Variants in NAIP observed in about 807,000 individuals in gnomAD.
NAIP encodes baculoviral IAP repeat-containing protein 1.
NAIP carries 15 observed loss-of-function variants against 23.0 expected under a neutral mutation model. The observed-to-expected ratio is 0.65, with a 90% CI of 0.44 to 1.00. NAIP has a LOEUF of 1.00. Ranked by LOEUF, NAIP falls within the 50% of genes least tolerant of loss-of-function variation. The pLI, the probability that NAIP is intolerant of heterozygous loss-of-function variation, is 0.00. For synonymous variants in NAIP, 100 were observed against 100.2 expected, an observed-to-expected ratio of 1.00 and a Z score of 0.01; for missense variants, 265 against 278.8, an observed-to-expected ratio of 0.95 and a Z score of 0.35.
intron 8 of NAIP, among the ~76,000 whole-genome samples, chr5:71,000,031 CAT>C (rs1222780976): frequency 3.5e-5 from 2 of 57,760 alleles, no homozygotes. Context: ...TCCAATGGCA[CAT>C]GTCTGTTAGG....
At chr5:71,013,720 G>A (rs1751287546) in intron 3 of NAIP, among the ~76,000 whole-genome samples, 1 of 151,090 alleles carries the variant, frequency 6.6e-6, no homozygotes, top group South Asian at 2.1e-4. Context: ...AGAAGCCTCG[G>A]GTAACTTTCT....
chr5:71,011,858 T>A, intron 4 of NAIP: 1 of 342,596 alleles, frequency 2.9e-6, no homozygotes, highest in Non-Finnish European at 5.8e-6. Context: ...TAGCATAAAG[T>A]AGGTACAGTA....
intron 5 of NAIP, among the ~76,000 whole-genome samples, chr5:71,008,244 A>G (rs1212829420): frequency 6.8e-6 from 1 of 146,164 alleles, no homozygotes; most frequent in Admixed American, 6.9e-5. Context: ...CAATTTTTGT[A>G]TTTTTAATAG....
At position 71,012,491 on chromosome 5, in the gene NAIP, A is replaced by C; in HGVS notation, c.425T>G (p.Val142Gly). Residue 142 changes from valine to glycine, a missense_variant, in exon 4 of 17, where the codon GTG (valine) becomes GGG (glycine). Transcript: ENST00000517649. ...VGNIAKYDIR[V>G]KNLKSRLRGG... The stretch of plus-strand genomic sequence containing the variant: ...TCTCAGCCTGCTCTTCAGATTCTTC[A>C]CCCTTATGTCGTACTTGGCAATGTT... 6.2e-7 allele frequency: 1 copy of C among 1,611,490 alleles called. No individual in the cohort carries two copies. The highest frequency in any genetic ancestry group is 2.2e-5 in the East Asian group (1 of 44,820).
chr5:70,971,601 A>G lies in NAIP; in HGVS notation c.3848-1133T>C, dbSNP rs1233817503. ...AAAACAAAAAGAGAAAACAAAAAAA[A>G]AAAATCCAGACTAAATTACAAGGGA... On this transcript the variant is annotated intron_variant, in intron 16 of 16. Transcript: ENST00000517649. The G allele has an allele frequency of 1.0e-4, 25 of 242,404 alleles. 1 individual carries two copies. Among genetic ancestry groups the G allele is most frequent in the South Asian group, 5.7e-4 (17 of 30,022 alleles). The allele number at this position is 242,404 out of a possible 1,614,324, so 15.0% of individuals were successfully genotyped here.
chr5:71,015,588 C>G (rs1228254671), intron 3 of NAIP, among the ~76,000 whole-genome samples: 1 of 133,918 alleles, frequency 7.5e-6, no homozygotes, highest in East Asian at 2.2e-4. Context: ...TGGCAAAACC[C>G]CATCTCTACT....
chr5:71,010,291 C>A (rs910171305), intron 5 of NAIP, among the ~76,000 whole-genome samples: 2 of 150,286 alleles, frequency 1.3e-5, no homozygotes, highest in African/African-American at 4.9e-5. Flanking sequence ...TTTTTTGAGA[C>A]GGAGTCTCAC....
chr5:71,011,702 GA>G (rs1386599594), intron 4 of NAIP: 1 of 462,036 alleles, frequency 2.2e-6, no homozygotes, highest in African/African-American at 2.0e-5. Context: ...CGTGCAATTA[GA>G]AAACCTACGT....
intron 5 of NAIP, among the ~76,000 whole-genome samples, 168 bp downstream of exon 5, chr5:71,011,107 C>T (rs1331693908): frequency 6.6e-6 from 1 of 150,956 alleles, no homozygotes; most frequent in Non-Finnish European, 1.5e-5. Context: ...GTGGTGCACA[C>T]CTATAATCCC....
chr5:70,972,913 T>G lies in NAIP; in HGVS notation c.3847+1216A>C, dbSNP rs1250843911. On this transcript the variant is annotated intron_variant, in intron 16 of 16. Transcript: ENST00000517649. The stretch of plus-strand genomic sequence containing the variant: ...CATTGTTTTTTGTTTTTTGTTTTTT[T>G]TTTTTGAGACGGAGTCTCGTTCTGT... Among the ~76,000 whole-genome samples, 8 of 48,728 alleles carry G rather than the reference T, an allele frequency of 1.6e-4. 2 individuals are homozygous for G. Among genetic ancestry groups the G allele is most frequent in the African/African-American group, 5.3e-4 (3 of 5,680 alleles). 32.0% of individuals were successfully genotyped at this position (48,728 alleles called of 152,430 possible).
At chr5:71,012,996 A>G in intron 3 of NAIP, 78 bp from the exon 4 acceptor site, 1 of 1,279,272 alleles carries the variant, frequency 7.8e-7, no homozygotes, top group Admixed American at 2.7e-5. Context: ...GTTTCCGAAG[A>G]AACCAGGAAT....
chr5:71,009,460 G>A (rs1368096797), intron 5 of NAIP, among the ~76,000 whole-genome samples: 1 of 149,780 alleles, frequency 6.7e-6, no homozygotes, highest in African/African-American at 2.4e-5. Flanking sequence ...GGAATCCAAG[G>A]TGGGTGGATC....
chr5:71,009,640 A>G (rs1751052649), intron 5 of NAIP, among the ~76,000 whole-genome samples: 1 of 151,542 alleles, frequency 6.6e-6, no homozygotes, highest in Non-Finnish European at 1.5e-5. Flanking sequence ...CAGTGAGCCA[A>G]GATCGTACCA....
intron 5 of NAIP, among the ~76,000 whole-genome samples, chr5:71,010,217 C>T (rs1016364431): frequency 2.0e-5 from 3 of 151,396 alleles, no homozygotes; most frequent in Non-Finnish European, 4.4e-5. Flanking sequence ...TAGCAATCTT[C>T]CTGCCTCAGC....
At chr5:71,009,373 AAAAAAG>A (rs1232238644) in intron 5 of NAIP, among the ~76,000 whole-genome samples, 4 of 149,118 alleles carry the variant, frequency 2.7e-5, no homozygotes, top group African/African-American at 9.9e-5. Context: ...AAAAAAAAAA[AAAAAAG>A]AAAAGAAAGA....
intron 3 of NAIP, 76 bp from the exon 4 acceptor site, chr5:71,012,994 AG>A: frequency 7.8e-7 from 1 of 1,282,108 alleles, no homozygotes; most frequent in Non-Finnish European, 1.1e-6. Flanking sequence ...CTGTTTCCGA[AG>A]AAACCAGGAA....
At chr5:71,010,953 C>T (rs1013939188) in intron 5 of NAIP, among the ~76,000 whole-genome samples, 1 of 151,194 alleles carries the variant, frequency 6.6e-6, no homozygotes, top group East Asian at 1.9e-4. Context: ...AAAAATTTAG[C>T]CAGGCACAGT....
At chr5:71,013,604 T>A (rs996686419) in intron 3 of NAIP, among the ~76,000 whole-genome samples, 1 of 142,668 alleles carries the variant, frequency 7.0e-6, no homozygotes, top group Admixed American at 7.3e-5. Flanking sequence ...CGCGCCACGG[T>A]ACTCCAGCCT....
Position 71,012,633 on chromosome 5 carries a change from T to C in NAIP, c.283A>G (p.Ile95Val). ...GFYFTGVKSG[I>V]QCFCCSLILF... Reference sequence around the variant, plus strand: ...ATTAGGCTACAGCAGAAGCACTGAATCCCAGATTTTACCCCAGTGAAGTAA... The same window carrying C: ...ATTAGGCTACAGCAGAAGCACTGAACCCCAGATTTTACCCCAGTGAAGTAA... The change falls in exon 4 of 17, where the codon ATT becomes GTT. Residue 95 changes from isoleucine (I) to valine (V), a missense_variant. Coordinates refer to ENST00000517649, the MANE Select transcript of NAIP (RefSeq NM_004536.3). 6.2e-7 allele frequency: 1 copy of C among 1,611,982 alleles called. No homozygotes were observed. Among genetic ancestry groups the C allele is most frequent in the Non-Finnish European group, 8.5e-7 (1 of 1,178,494 alleles).
Sources: gnomAD v4.1 joint callset for allele counts (sites outside exome capture counted in the v4.1 genomes callset) on GRCh38, gnomAD v4.1.1 for gene constraint, MANE v1.5 for transcripts, NCBI Gene and HGNC (gene_info 2026-07-23, HGNC 2026-07-21) for gene names.